The following NTM variants were observed in gnomAD, a reference collection of about 807,000 sequenced individuals.
NTM encodes the protein neurotrimin, also known as IgLON family member 2.
NTM carries 13 observed loss-of-function variants against 42.1 expected under a neutral mutation model. The ratio of observed to expected loss-of-function variants is 0.31; its 90% CI spans 0.20 to 0.49. NTM has a LOEUF of 0.49. Ranked by LOEUF, NTM falls within the 20% of genes least tolerant of loss-of-function variation. NTM has a pLI of 0.99. For missense variants in NTM, 373 were observed against 452.8 expected, an observed-to-expected ratio of 0.82 and a Z score of 1.60; for synonymous variants, 187 against 179.2, an observed-to-expected ratio of 1.04 and a Z score of -0.35.
At chr11:131,778,822 A>G (rs1272055776) in intron 1 of NTM, among the ~76,000 whole-genome samples, 1 of 152,224 alleles carries the variant, frequency 6.6e-6, no homozygotes, top group Non-Finnish European at 1.5e-5. Context: ...TCAAATGTAC[A>G]CACCAGTGTA....
chr11:131,469,284 C>T lies in NTM; in HGVS notation c.82+98396C>T, dbSNP rs572486901. ...GGCTACTATCTTTGGAGTAGGGCAT[C>T]TTCTAAGGGTTTTACATATATTATC... On this transcript the variant is annotated intron_variant, in intron 1 of 8. Coordinates refer to ENST00000683400, the MANE Select transcript of NTM (RefSeq NM_001352005.2). 2.0e-5 allele frequency among the ~76,000 whole-genome samples: 3 copies of T among 152,296 alleles called. No individual in the cohort carries two copies. The South Asian group carries it at 6.2e-4, about 32-fold the overall frequency.
intron 1 of NTM, among the ~76,000 whole-genome samples, chr11:131,490,061 T>C (rs1954613237): frequency 6.6e-6 from 1 of 152,168 alleles, no homozygotes; most frequent in African/African-American, 2.4e-5. Context: ...AAGCAAGGGT[T>C]GGGGGAGGTG....
At chr11:131,696,070 C>T (rs7129025) in intron 1 of NTM, among the ~76,000 whole-genome samples, 17,106 of 152,226 alleles carry the variant, frequency 0.11, 3,153 homozygotes, top group African/African-American at 0.38. Context: ...GTTGATGTGA[C>T]AGACATGAAA....
intron 1 of NTM, among the ~76,000 whole-genome samples, chr11:131,696,556 C>A (rs1332320282): frequency 1.3e-5 from 2 of 152,104 alleles, no homozygotes; most frequent in South Asian, 2.1e-4. Flanking sequence ...CCTTTTCTTT[C>A]GTACACCCTG....
chr11:131,794,779 AG>A, intron 1 of NTM: 1 of 985,424 alleles, frequency 1.0e-6, no homozygotes, highest in Non-Finnish European at 1.2e-6. Flanking sequence ...CCATGTGAAA[AG>A]CATTCATGTA....
chr11:131,386,521 G>A (rs78202350), intron 1 of NTM, among the ~76,000 whole-genome samples: 1,688 of 152,360 alleles, frequency 0.011, 10 homozygotes, highest in Middle Eastern at 0.051. Flanking sequence ...TCAGCTGTCT[G>A]TGGTGTAGGA....
intron 2 of NTM, among the ~76,000 whole-genome samples, chr11:132,005,822 A>G (rs1017859106): frequency 1.3e-5 from 2 of 152,196 alleles, no homozygotes; most frequent in African/African-American, 4.8e-5. Context: ...TAGCTCACCT[A>G]GACTTAACAA....
chr11:131,607,852 C>T (rs754754761), intron 1 of NTM, among the ~76,000 whole-genome samples: 7 of 151,680 alleles, frequency 4.6e-5, no homozygotes, highest in East Asian at 3.9e-4. Context: ...AAACCTTGTA[C>T]GCACGGTTTG....
chr11:131,995,277 T>C (rs537853189), intron 2 of NTM, among the ~76,000 whole-genome samples: 5 of 152,296 alleles, frequency 3.3e-5, no homozygotes, highest in African/African-American at 7.2e-5. Context: ...TTTCATTCTT[T>C]GTGCCACACA....
At chr11:132,014,603 G>C (rs2072992695) in intron 2 of NTM, among the ~76,000 whole-genome samples, 1 of 151,736 alleles carries the variant, frequency 6.6e-6, no homozygotes, top group African/African-American at 2.4e-5. Context: ...ATATCTTGTT[G>C]TGGTTTTGAT....
intron 4 of NTM, among the ~76,000 whole-genome samples, chr11:132,261,710 G>A (rs532894788): frequency 3.3e-5 from 5 of 152,304 alleles, no homozygotes; most frequent in Admixed American, 3.3e-4. Context: ...TAGGTTGCAG[G>A]TTTCAGTAGA....
intron 2 of NTM, among the ~76,000 whole-genome samples, chr11:131,955,608 T>C (rs900333136): frequency 6.6e-6 from 1 of 152,130 alleles, no homozygotes; most frequent in African/African-American, 2.4e-5. Context: ...GAACTAAATA[T>C]CTTAGGAAGC....
chr11:131,789,636 A>AGAAGAAGAAG lies in NTM; in HGVS notation c.83-121928_83-121927insGAAGAAGAAG, dbSNP rs1555127949. ...AAGAAGAAGAAGAAGAAGAAGAAGA[A>AGAAGAAGAAG]AAGAAGAAGAAGAAGAAGAAGAAGA... On this transcript the variant is annotated intron_variant, in intron 1 of 8. Transcript: ENST00000683400. 3.8e-3 allele frequency among the ~76,000 whole-genome samples: 117 copies of AGAAGAAGAAG among 30,902 alleles called. 22 individuals are homozygous for AGAAGAAGAAG. Among genetic ancestry groups the AGAAGAAGAAG allele is most frequent in the Non-Finnish European group, 4.7e-3 (65 of 13,762 alleles). The allele number at this position is 30,902 out of a possible 152,430, so 20.3% of individuals were successfully genotyped here.
At chr11:131,872,311 G>A (rs761822257) in intron 1 of NTM, among the ~76,000 whole-genome samples, 5 of 152,206 alleles carry the variant, frequency 3.3e-5, no homozygotes, top group Non-Finnish European at 5.9e-5. Context: ...GGAAGTGGCA[G>A]AATGGTTATG....
At chr11:131,433,413 C>T (rs1948851464) in intron 1 of NTM, among the ~76,000 whole-genome samples, 3 of 152,180 alleles carry the variant, frequency 2.0e-5, no homozygotes, top group African/African-American at 4.8e-5. Context: ...ACTCCCATCA[C>T]CACTAACCAG....
At chr11:132,262,874 T>C (rs916918541) in intron 4 of NTM, among the ~76,000 whole-genome samples, 5 of 152,184 alleles carry the variant, frequency 3.3e-5, no homozygotes, top group Admixed American at 6.5e-5. Context: ...ATCATCTTAA[T>C]CAGGTGTGAG....
intron 2 of NTM, among the ~76,000 whole-genome samples, chr11:131,974,920 A>G (rs938677678): frequency 7.2e-5 from 11 of 152,264 alleles, no homozygotes; most frequent in African/African-American, 2.6e-4. Flanking sequence ...AACATATCAC[A>G]AATGTCCTAA....
intron 2 of NTM, among the ~76,000 whole-genome samples, chr11:131,979,576 A>C (rs1405810931): frequency 1.3e-5 from 2 of 152,170 alleles, no homozygotes; most frequent in Non-Finnish European, 2.9e-5. Flanking sequence ...CTTAATTAAG[A>C]TATGATCTGC....
intron 2 of NTM, among the ~76,000 whole-genome samples, chr11:132,134,427 C>T (rs74792552): frequency 2.6e-5 from 4 of 151,824 alleles, no homozygotes; most frequent in Non-Finnish European, 5.9e-5. Context: ...TGCACCTTCA[C>T]TCGAGCAGTG....
Sources: allele counts gnomAD v4.1 joint callset (sites outside exome capture counted in the v4.1 genomes callset), GRCh38; gene constraint gnomAD v4.1.1; transcripts MANE v1.5; gene names NCBI Gene and HGNC (gene_info 2026-07-23, HGNC 2026-07-21).